WNK3: variants seen among roughly 807,000 people sequenced by gnomAD.
WNK3 encodes the protein serine/threonine-protein kinase WNK3.
In WNK3, 18 loss-of-function variants were observed where a neutral mutation model predicts 116.7. The ratio of observed to expected loss-of-function variants is 0.15; its 90% CI spans 0.11 to 0.23. The LOEUF is 0.23. Ranked by LOEUF, WNK3 falls within the 10% of genes least tolerant of loss-of-function variation. WNK3 has a pLI of 1.00. For synonymous variants in WNK3, 404 were observed against 469.4 expected, an observed-to-expected ratio of 0.86 and a Z score of 1.80; for missense variants, 993 against 1,323.8, an observed-to-expected ratio of 0.75 and a Z score of 3.88.
chrX:54,333,220 C>T, exon 2 of WNK3: 1 of 1,208,359 alleles, frequency 8.3e-7, no homozygotes, highest in Non-Finnish European at 1.1e-6. Flanking sequence ...CTTCCTAGTT[C>T]TATGTCAAAT....
At chrX:54,298,072 CA>C (rs1328290041) in intron 7 of WNK3, 102 bp downstream of exon 7, 64 of 600,860 alleles carry the variant, frequency 1.1e-4, no homozygotes, top group Non-Finnish European at 1.3e-4. Context: ...GACTCTGTCT[CA>C]AAAAAAAGGA....
intron 8 of WNK3, among the ~76,000 whole-genome samples, chrX:54,293,642 G>A (rs2068665325): frequency 8.9e-6 from 1 of 111,797 alleles, no homozygotes; most frequent in African/African-American, 3.2e-5. Flanking sequence ...CTTGACATAA[G>A]GATTTCAGTA....
chrX:54,282,892 A>G (rs2147073369), intron 10 of WNK3, among the ~76,000 whole-genome samples: 1 of 112,059 alleles, frequency 8.9e-6, no homozygotes, highest in South Asian at 3.7e-4. Context: ...GAAAATCTTC[A>G]TGACCTTGGA....
chrX:54,312,689 C>T (rs369732361), intron 2 of WNK3, among the ~76,000 whole-genome samples: 3 of 111,027 alleles, frequency 2.7e-5, no homozygotes, highest in Non-Finnish European at 5.7e-5. Context: ...CCACTTGCCT[C>T]GGCCTCCTCC....
At chrX:54,265,988 G>A (rs1190021068) in intron 10 of WNK3, among the ~76,000 whole-genome samples, 2 of 111,088 alleles carry the variant, frequency 1.8e-5, no homozygotes, top group Non-Finnish European at 3.8e-5. Context: ...CTCCAGCCTG[G>A]ACAAGACAGC....
In WNK3 at chrX:54,294,865, T is replaced by C. The variant is rs1557165951; in HGVS notation, c.1399-18A>G. Reference sequence around the variant, plus strand: ...GACTTGACCTACAAACAAAACATAATAAGCAAACTACTTCTTTAACATTTA... The same window carrying C: ...GACTTGACCTACAAACAAAACATAACAAGCAAACTACTTCTTTAACATTTA... On this transcript the variant is annotated intron_variant, in intron 7 of 23. Coordinates refer to ENST00000354646, the Ensembl canonical transcript of WNK3. 2 of 1,131,998 alleles carry C rather than the reference T, an allele frequency of 1.8e-6. No individual in the cohort carries two copies. Among genetic ancestry groups the C allele is most frequent in the Admixed American group, 5.6e-5 (2 of 35,667 alleles). The allele number at this position is 1,131,998 out of a possible 1,213,427, so 93.3% of individuals were successfully genotyped here. A position where few individuals can be genotyped will look rare whatever the true frequency, so the allele number is the denominator to read the frequency against.
chrX:54,236,847 G>A, intron 20 of WNK3, 91 bp downstream of exon 20: 1 of 1,003,990 alleles, frequency 1.0e-6, no homozygotes, highest in Non-Finnish European at 1.3e-6. Context: ...TCATTAAAAT[G>A]TCACCAATCC....
At chrX:54,233,812 G>GA (rs781927998) in intron 20 of WNK3, among the ~76,000 whole-genome samples, 3,822 of 66,669 alleles carry the variant, frequency 0.057, 207 homozygotes, top group African/African-American at 0.15. Context: ...CTGTCTCTCT[G>GA]AAAAAAAAAA....
At chrX:54,354,300 C>T (rs782173708) in intron 1 of WNK3, among the ~76,000 whole-genome samples, 1 of 111,787 alleles carries the variant, frequency 8.9e-6, no homozygotes, top group African/African-American at 3.2e-5. Context: ...CTCCTAACGG[C>T]ATCATAAATG....
At chrX:54,326,535 C>T (rs1316804095) in intron 2 of WNK3, among the ~76,000 whole-genome samples, 2 of 110,849 alleles carry the variant, frequency 1.8e-5, no homozygotes, top group Non-Finnish European at 3.8e-5. Context: ...AAAACCCCAT[C>T]TCTACAAAAA....
Position 54,241,084 on chromosome X carries a change from G to A in WNK3, c.3652-1985C>T, listed in dbSNP as rs1004020015. 1.2e-4 allele frequency among the ~76,000 whole-genome samples: 13 copies of A among 111,373 alleles called. 1 individual carries two copies. Among genetic ancestry groups the A allele is most frequent in the Non-Finnish European group, 2.3e-4 (12 of 53,088 alleles). ...CAAGCAAAGGGCAGCAGAGGCATGC[G>A]CCCCCAAATAAGAGCAGTAAGAGGA... On this transcript the variant is annotated intron_variant, in intron 17 of 23. Coordinates refer to ENST00000354646, the Ensembl canonical transcript of WNK3.
chrX:54,279,962 C>T (rs984061610), intron 10 of WNK3, among the ~76,000 whole-genome samples: 1 of 112,456 alleles, frequency 8.9e-6, no homozygotes, highest in African/African-American at 3.2e-5. Context: ...AACTCCTACT[C>T]AACATTATAC....
At chrX:54,305,249 T>C (rs904970624) in intron 5 of WNK3, among the ~76,000 whole-genome samples, 2 of 111,755 alleles carry the variant, frequency 1.8e-5, no homozygotes, top group Non-Finnish European at 3.8e-5. Context: ...CTATTATTTA[T>C]GTGTTTGAGG....
At chrX:54,270,146 C>T (rs2068362998) in intron 10 of WNK3, among the ~76,000 whole-genome samples, 2 of 110,958 alleles carry the variant, frequency 1.8e-5, no homozygotes, top group Non-Finnish European at 3.8e-5. Context: ...GCTCTTCTTG[C>T]CCAGGCTCGA....
exon 24 of WNK3, chrX:54,198,296 C>A: frequency 3.7e-6 from 4 of 1,084,414 alleles, no homozygotes; most frequent in Non-Finnish European, 2.4e-6. Flanking sequence ...CTGAAAAAAC[C>A]TCCCTTTTTA....
At chrX:54,333,586 C>T (rs782163611) in exon 2 of WNK3, 7 of 1,205,168 alleles carry the variant, frequency 5.8e-6, no homozygotes, top group Admixed American at 4.4e-5. Flanking sequence ...AAAGTTGCAG[C>T]GACCTGGGGA....
intron 2 of WNK3, among the ~76,000 whole-genome samples, chrX:54,317,732 C>T (rs1259228825): frequency 1.8e-4 from 19 of 105,213 alleles, no homozygotes; most frequent in African/African-American, 6.6e-4. Flanking sequence ...CCCGGGTTCA[C>T]GCCATTCTCC....
intron 1 of WNK3, among the ~76,000 whole-genome samples, chrX:54,352,738 T>C (rs1372192050): frequency 2.7e-5 from 3 of 111,447 alleles, no homozygotes; most frequent in Non-Finnish European, 5.6e-5. Context: ...ATACCCAAAA[T>C]AAATGAAAAC....
intron 17 of WNK3, among the ~76,000 whole-genome samples, chrX:54,244,480 C>T (rs182057617): frequency 1.6e-4 from 18 of 111,420 alleles, no homozygotes; most frequent in African/African-American, 4.9e-4. Context: ...CTTTCTAACA[C>T]TGTTTCAATA....
Sources: gnomAD v4.1 joint callset for allele counts (sites outside exome capture counted in the v4.1 genomes callset) on GRCh38, gnomAD v4.1.1 for gene constraint, MANE v1.5 for transcripts, NCBI Gene and HGNC (gene_info 2026-07-23, HGNC 2026-07-21) for gene names.